INTS3: variants seen among roughly 807,000 people sequenced by gnomAD.
The protein encoded by INTS3 is SOSS complex subunit A.
Under a neutral mutation model 146.3 loss-of-function variants are expected in INTS3, and 34 were observed. The observed-to-expected ratio is 0.23, with a 90% confidence interval of 0.18 to 0.31. The LOEUF (loss-of-function observed/expected upper bound fraction) is 0.31, where lower values mean the gene tolerates loss of function less well. INTS3 is among the 10% of genes least tolerant of loss of function. INTS3 has a pLI of 1.00. For synonymous variants in INTS3, 475 were observed against 494.9 expected, an observed-to-expected ratio of 0.96 and a Z score of 0.53; for missense variants, 757 against 1,304.2, an observed-to-expected ratio of 0.58 and a Z score of 6.46.
intron 20 of INTS3, among the ~76,000 whole-genome samples, 179 bp downstream of exon 20, chr1:153,765,242 G>A (rs1426374396): frequency 6.6e-6 from 1 of 152,130 alleles, no homozygotes; most frequent in African/African-American, 2.4e-5. Flanking sequence ...TGACACTGCG[G>A]CTCAGTGCAT....
intron 22 of INTS3, 115 bp from the exon 23 acceptor site, chr1:153,769,654 T>G: frequency 1.5e-6 from 1 of 676,434 alleles, no homozygotes. Context: ...AACTGGGCCT[T>G]CACTTCCTCT....
intron 8 of INTS3, among the ~76,000 whole-genome samples, chr1:153,754,026 C>T (rs768865673): frequency 6.7e-5 from 10 of 148,186 alleles, no homozygotes; most frequent in Non-Finnish European, 1.2e-4. Flanking sequence ...GTCTTGAACT[C>T]GTAGGCTCAA....
chr1:153,758,617 G>C (rs1672251600), intron 10 of INTS3, among the ~76,000 whole-genome samples: 1 of 152,062 alleles, frequency 6.6e-6, no homozygotes, highest in Admixed American at 6.5e-5. Flanking sequence ...AGACCAGCCT[G>C]GGCAACATGG....
rs762828430 is a variant in INTS3 at position 153,770,753 on chromosome 1, C to T, written c.2552+20C>T. 7.0e-5 allele frequency: 111 copies of T among 1,595,732 alleles called. No homozygotes were observed. The highest frequency in any genetic ancestry group is 9.0e-5 in the Non-Finnish European group (105 of 1,163,536). On this transcript the variant is annotated intron_variant, in intron 25 of 29. Transcript: ENST00000318967. ...AGAAAAGTGAGTTCCACTTCTGGGG[C>T]TCTTTAGCCCTCAATTTTAACATCC...
At chr1:153,760,503 A>G (rs1672344064) in intron 12 of INTS3, 113 bp downstream of exon 12, 2 of 865,228 alleles carry the variant, frequency 2.3e-6, no homozygotes, top group Non-Finnish European at 3.8e-6. Flanking sequence ...GAGAGCAGAA[A>G]TGGTCATGGG....
At chr1:153,753,783 G>T (rs1038988894) in intron 8 of INTS3, 5 of 151,806 alleles carry the variant, frequency 3.3e-5, no homozygotes, top group African/African-American at 1.2e-4. Flanking sequence ...AGCCTCCCAG[G>T]TAGCTAGGAT....
chr1:153,738,144 GCTGGAGTGTAGTGGTACCATCATAGCTCA>G (rs1299337067), intron 1 of INTS3, among the ~76,000 whole-genome samples: 1 of 152,140 alleles, frequency 6.6e-6, no homozygotes, highest in Non-Finnish European at 1.5e-5. Flanking sequence ...TGTTGCCCAG[GCTGGAGTGTAGTGGTACCATCATAGCTCA>G]CTATAGCCTT....
rs746220669 is a variant in INTS3 at position 153,772,120 on chromosome 1, G to A, written c.2720+157G>A. Reference sequence around the variant, plus strand: ...AGTGGTCCGAAGCCACATGGCATGCGAGACCACCGTGGCCCTTTCTCCCCA... The same window carrying A: ...AGTGGTCCGAAGCCACATGGCATGCAAGACCACCGTGGCCCTTTCTCCCCA... On this transcript the variant is annotated intron_variant, in intron 26 of 29. Coordinates refer to ENST00000318967, the MANE Select transcript of INTS3 (RefSeq NM_023015.5). The surrounding 1 kb of genome is among the most constrained non-coding windows in gnomAD (Gnocchi z 4.6). Among the ~76,000 whole-genome samples, 13 of 152,076 alleles carry A rather than the reference G, an allele frequency of 8.5e-5. No homozygotes were observed. The highest frequency in any genetic ancestry group is 1.5e-4 in the Non-Finnish European group (10 of 68,010).
At chr1:153,766,600 T>C (rs928009582) in intron 20 of INTS3, 3 of 151,730 alleles carry the variant, frequency 2.0e-5, no homozygotes, top group Non-Finnish European at 4.4e-5. Context: ...GGCCCAGCCA[T>C]TTGTATATTT....
intron 20 of INTS3, 56 bp from the exon 21 acceptor site, chr1:153,767,618 G>A (rs1268864566): frequency 1.0e-5 from 15 of 1,499,398 alleles, no homozygotes; most frequent in South Asian, 1.3e-5. Context: ...CTTCGGGGAT[G>A]CTTGAAGGTG....
intron 1 of INTS3, among the ~76,000 whole-genome samples, chr1:153,734,655 A>G (rs1182381940): frequency 2.6e-5 from 4 of 152,204 alleles, no homozygotes; most frequent in Non-Finnish European, 5.9e-5. Context: ...TCTCTCAGCA[A>G]TAGATCATTG....
intron 3 of INTS3, among the ~76,000 whole-genome samples, chr1:153,744,673 G>C (rs1671658593): frequency 6.6e-6 from 1 of 152,182 alleles, no homozygotes; most frequent in African/African-American, 2.4e-5. Context: ...TAATCTGTTA[G>C]GAGTCTCTCA....
chr1:153,745,161 CT>C (rs11438435), intron 3 of INTS3, among the ~76,000 whole-genome samples: 97 of 138,774 alleles, frequency 7.0e-4, no homozygotes, highest in Admixed American at 7.2e-4. Context: ...CCTTGCTGTA[CT>C]TTTTTTTTTT....
Position 153,728,603 on chromosome 1 carries a change from C to A in INTS3, c.-32C>A. ...ATCTAGGACTGTCCATCCATCCACT[C>A]CCTGACCTTTTCCCGGCTCCTGGCT... On this transcript the variant is annotated 5_prime_UTR_variant, in exon 1 of 30. Coordinates refer to ENST00000318967, the MANE Select transcript of INTS3 (RefSeq NM_023015.5). 1 of 1,591,430 alleles carries A rather than the reference C, an allele frequency of 6.3e-7. No individual in the cohort carries two copies.
chr1:153,773,395 G>A lies in INTS3; in HGVS notation c.*125G>A. On this transcript the variant is annotated 3_prime_UTR_variant, in exon 30 of 30. Transcript: ENST00000318967. ...TGCTGCATCCCCAAGCTCCCCCGGT[G>A]GAAGGAGGAGCTTTCTCCTCTGGCT... 1.1e-6 allele frequency: 1 copy of A among 895,324 alleles called. No homozygotes were observed. Among genetic ancestry groups the A allele is most frequent in the South Asian group, 1.4e-5 (1 of 70,372 alleles). The allele number at this position is 895,324 out of a possible 1,614,324, so 55.5% of individuals were successfully genotyped here. A position where few individuals can be genotyped will look rare whatever the true frequency, so the allele number is the denominator to read the frequency against.
At position 153,772,006 on chromosome 1, in the gene INTS3, G is replaced by A. The variant is rs1303380032; in HGVS notation, c.2720+43G>A. Reference sequence around the variant, plus strand: ...TCTACCCTCCAGGCCATGGCGGTCTGCAGTGATTGCTGTCGGTGGTGGTGG... The same window carrying A: ...TCTACCCTCCAGGCCATGGCGGTCTACAGTGATTGCTGTCGGTGGTGGTGG... On this transcript the variant is annotated intron_variant, in intron 26 of 29. Coordinates refer to ENST00000318967, the MANE Select transcript of INTS3 (RefSeq NM_023015.5). This position sits in a 1 kb window ranked among gnomAD's most constrained non-coding sequence, Gnocchi z 4.6. The A allele has an allele frequency of 1.9e-6, 3 of 1,553,828 alleles. No individual in the cohort carries two copies. Among genetic ancestry groups the A allele is most frequent in the South Asian group, 1.2e-5 (1 of 85,332 alleles).
In INTS3 at chr1:153,763,370, C is replaced by T. The variant is rs951104418; in HGVS notation, c.1766+8C>T. 4 of 1,613,780 alleles carry T rather than the reference C, an allele frequency of 2.5e-6. No homozygotes were observed. The highest frequency in any genetic ancestry group is 1.3e-5 in the African/African-American group (1 of 75,038). On this transcript the variant is annotated splice_region_variant and intron_variant, in intron 16 of 29. Coordinates refer to ENST00000318967, the MANE Select transcript of INTS3 (RefSeq NM_023015.5). ...CCAGCTACAGAAGGGGAGGTGGGTA[C>T]AGACCTTGTTCTCAACTTCAGGAGG...
chr1:153,749,605 G>A (rs991739502), intron 6 of INTS3, among the ~76,000 whole-genome samples: 3 of 152,216 alleles, frequency 2.0e-5, no homozygotes, highest in East Asian at 3.9e-4. Context: ...AGTGCTCTGG[G>A]CACGGATGTG....
At chr1:153,759,458 T>G in intron 10 of INTS3, 68 bp from the exon 11 acceptor site, 2 of 1,064,546 alleles carry the variant, frequency 1.9e-6, no homozygotes, top group Non-Finnish European at 1.5e-6. Context: ...GGAATCTGTC[T>G]TGGGACTCTG....
Sources: gnomAD v4.1 joint callset for allele counts (sites outside exome capture counted in the v4.1 genomes callset) on GRCh38, gnomAD v4.1.1 for gene constraint, Gnocchi (gnomAD v3.1) non-coding constraint, MANE v1.5 for transcripts, NCBI Gene and HGNC (gene_info 2026-07-23, HGNC 2026-07-21) for gene names.